The following CNOT1 variants were observed in gnomAD, a reference collection of about 807,000 sequenced individuals.
The protein encoded by CNOT1 is CCR4-associated factor 1.
A neutral mutation model predicts 273.8 loss-of-function variants in CNOT1; 15 were observed. The observed-to-expected ratio is 0.05, with a 90% CI of 0.04 to 0.08. The LOEUF (loss-of-function observed/expected upper bound fraction) is 0.08. CNOT1 is among the 10% of genes least tolerant of loss of function. The probability of loss-of-function intolerance (pLI) is 1.00; values close to 1 mark genes in which losing one functional copy is unlikely to be tolerated. For missense variants in CNOT1, 1,644 were observed against 2,912.2 expected (o/e 0.56, Z 10.02); for synonymous variants, 1,022 against 1,005.5 (o/e 1.02, Z -0.31).
intron 47 of CNOT1, among the ~76,000 whole-genome samples, chr16:58,522,237 C>CAAAAAAAAAAAAAAAAAAAAAAAAAA (rs56149974): frequency 1.0e-5 from 1 of 98,556 alleles, no homozygotes; most frequent in African/African-American, 4.2e-5. Context: ...GAGACTGTCT[C>CAAAAAAAAAAAAAAAAAAAAAAAAAA]AAAAAAAAAA....
At chr16:58,528,407 GTCTACTTATC>G (rs2039671985) in intron 44 of CNOT1, 58 bp downstream of exon 44, 1 of 1,116,728 alleles carries the variant, frequency 9.0e-7, no homozygotes. Context: ...GTGCTGAACA[GTCTACTTATC>G]AGAGAAAGGA....
intron 25 of CNOT1, chr16:58,548,494 T>C (rs895830581): frequency 1.7e-5 from 9 of 514,310 alleles, no homozygotes; most frequent in Admixed American, 1.4e-4. Flanking sequence ...AAAAACGAAA[T>C]AGAGCCATGT....
chr16:58,577,616 T>C (rs2041503596), intron 13 of CNOT1, among the ~76,000 whole-genome samples: 1 of 152,162 alleles, frequency 6.6e-6, no homozygotes, highest in Non-Finnish European at 1.5e-5. Flanking sequence ...AGTTTTTTTC[T>C]GCATGTATCA....
In CNOT1 at chr16:58,547,584, G is replaced by A; in HGVS notation, c.3621C>T (p.Asn1207=). Residue 1207 remains asparagine (N), a synonymous_variant, in exon 26 of 49, where the codon AAC becomes AAT. Transcript: ENST00000317147. This position sits in a 1 kb window ranked among gnomAD's most constrained non-coding sequence, Gnocchi z 4.0. ...AACTCACAGTGTGTAAGATGGGTTT[G>A]TTTTTAGCTAATGTGATCATTCCTA... ...HWLGMITLAK[N]KPILHTDLDV... is the part of the protein sequence containing the mutation. 1 of 1,613,174 alleles carries A rather than the reference G, an allele frequency of 6.2e-7. No homozygotes were observed. Among genetic ancestry groups the A allele is most frequent in the Non-Finnish European group, 8.5e-7 (1 of 1,179,600 alleles).
chr16:58,616,881 T>C (rs2043105699), intron 1 of CNOT1, among the ~76,000 whole-genome samples: 2 of 152,198 alleles, frequency 1.3e-5, no homozygotes, highest in Non-Finnish European at 2.9e-5. Context: ...TTTAAGTGTC[T>C]TGTGATTTAT....
At chr16:58,554,935 CAAA>C (rs56180546) in intron 21 of CNOT1, among the ~76,000 whole-genome samples, 1 of 78,908 alleles carries the variant, frequency 1.3e-5, no homozygotes, top group African/African-American at 5.0e-5. Context: ...GACTCCATCT[CAAA>C]AAAAAAAAAA....
In CNOT1 at chr16:58,574,993, C is replaced by G; in HGVS notation, c.1827+14G>C. ...AAATTTAAGAGCAAAAATAAATGAA[C>G]AAATCCTGCTTACCCCATGCTCTCG... On this transcript the variant is annotated intron_variant, in intron 15 of 48. Coordinates refer to ENST00000317147, the MANE Select transcript of CNOT1 (RefSeq NM_016284.5). 1 of 1,609,472 alleles carries G rather than the reference C, an allele frequency of 6.2e-7. No individual in the cohort carries two copies. The highest frequency in any genetic ancestry group is 8.5e-7 in the Non-Finnish European group (1 of 1,178,942).
chr16:58,528,407 G>A, intron 44 of CNOT1, 68 bp downstream of exon 44: 2 of 1,116,728 alleles, frequency 1.8e-6, no homozygotes, highest in Non-Finnish European at 2.7e-6. Context: ...GTGCTGAACA[G>A]TCTACTTATC....
At chr16:58,526,997 T>C (rs570342230) in intron 44 of CNOT1, among the ~76,000 whole-genome samples, 104 of 151,952 alleles carry the variant, frequency 6.8e-4, no homozygotes, top group African/African-American at 2.2e-3. Context: ...CACCTGTGAA[T>C]AGTCACTGCC....
intron 42 of CNOT1, among the ~76,000 whole-genome samples, chr16:58,531,177 T>C (rs1004318568): frequency 9.2e-5 from 14 of 152,204 alleles, no homozygotes; most frequent in African/African-American, 1.9e-4. Context: ...TCTTGGATAA[T>C]TGCATTTAAT....
At chr16:58,566,699 T>C (rs2041054997) in intron 16 of CNOT1, among the ~76,000 whole-genome samples, 1 of 152,226 alleles carries the variant, frequency 6.6e-6, no homozygotes, top group African/African-American at 2.4e-5. Context: ...GGAGTTTCAC[T>C]CTTGTTGCCC....
chr16:58,522,732 C>T (rs6499960), intron 47 of CNOT1, among the ~76,000 whole-genome samples: 59,361 of 152,030 alleles, frequency 0.39, 12,971 homozygotes, highest in African/African-American at 0.59. Flanking sequence ...CATAGGCCTG[C>T]ATGATTTAGG....
At chr16:58,608,037 G>A (rs1385492638) in intron 1 of CNOT1, among the ~76,000 whole-genome samples, 2 of 151,818 alleles carry the variant, frequency 1.3e-5, no homozygotes, top group African/African-American at 2.4e-5. Context: ...TTAGCCAGGT[G>A]TGGTAGCTAG....
rs12596169 is a variant in CNOT1, at chr16:58,581,319, T to C, written c.1215+26A>G. 0.052 allele frequency: 82,867 copies of C among 1,583,520 alleles called. 5,203 individuals carry two copies. Among genetic ancestry groups the C allele is most frequent in the East Asian group, 0.25 (11,228 of 44,328 alleles). ...GAATAAGTCATGTTTTATTCCCCCA[T>C]CTATAGCTAAATACCACTTACTCAC... On this transcript the variant is annotated intron_variant, in intron 11 of 48. Coordinates refer to ENST00000317147, the MANE Select transcript of CNOT1 (RefSeq NM_016284.5).
chr16:58,520,832 G>T lies in CNOT1; in HGVS notation c.*126C>A. ...AGGAGGCTGATCCCAACAGTAGTTG[G>T]GGCAGATACCCACAAACCAAAGGGC... On this transcript the variant is annotated 3_prime_UTR_variant, in exon 49 of 49. Coordinates refer to ENST00000317147, the MANE Select transcript of CNOT1 (RefSeq NM_016284.5). 1 of 934,622 alleles carries T rather than the reference G, an allele frequency of 1.1e-6. No homozygotes were observed. 57.9% of individuals were successfully genotyped at this position (934,622 alleles called of 1,614,324 possible).
chr16:58,605,093 G>A (rs775881653), intron 1 of CNOT1, among the ~76,000 whole-genome samples: 21 of 152,060 alleles, frequency 1.4e-4, no homozygotes, highest in Non-Finnish European at 2.2e-4. Context: ...CCGAGATCGC[G>A]CCACTGCACT....
intron 1 of CNOT1, among the ~76,000 whole-genome samples, chr16:58,619,445 T>C (rs78740601): frequency 6.6e-6 from 1 of 151,812 alleles, no homozygotes; most frequent in South Asian, 2.1e-4. Flanking sequence ...TTTTTTTTTT[T>C]GAGACAGCGT....
chr16:58,585,641 C>T (rs970597406), intron 7 of CNOT1, 135 bp from the exon 8 acceptor site: 1 of 1,397,352 alleles, frequency 7.2e-7, no homozygotes, highest in African/African-American at 1.5e-5. Flanking sequence ...ATTTTTCCAG[C>T]CTACTAGCCG....
chr16:58,542,076 C>G (rs1388658199), intron 33 of CNOT1, among the ~76,000 whole-genome samples, 155 bp downstream of exon 33: 2 of 152,224 alleles, frequency 1.3e-5, no homozygotes, highest in African/African-American at 4.8e-5. Context: ...ACCTCCTCCA[C>G]AGGCAGCCAT....
Sources: gnomAD v4.1 joint callset for allele counts (sites outside exome capture counted in the v4.1 genomes callset) on GRCh38, gnomAD v4.1.1 for gene constraint, Gnocchi (gnomAD v3.1) non-coding constraint, MANE v1.5 for transcripts, NCBI Gene and HGNC (gene_info 2026-07-23, HGNC 2026-07-21) for gene names.